Variants in LAMA3 observed in about 807,000 individuals in gnomAD.
LAMA3 encodes the protein laminin subunit alpha-3.
A neutral mutation model predicts 402.0 loss-of-function variants in LAMA3; 281 were observed. The ratio of observed to expected loss-of-function variants is 0.70; its 90% CI spans 0.63 to 0.77. The LOEUF (loss-of-function observed/expected upper bound fraction) is 0.77, where lower values mean the gene tolerates loss of function less well. LAMA3 is among the 30% of genes least tolerant of loss of function. The pLI is 0.00. For missense variants in LAMA3, 3,840 were observed against 4,215.5 expected, an observed-to-expected ratio of 0.91 and a Z score of 2.47; for synonymous variants, 1,431 against 1,558.4, an observed-to-expected ratio of 0.92 and a Z score of 1.93.
chr18:23,695,832 A>AAAAAAAAAAAAAAG (rs2060675826), intron 1 of LAMA3, among the ~76,000 whole-genome samples: 1 of 131,748 alleles, frequency 7.6e-6, no homozygotes, highest in Non-Finnish European at 1.7e-5. Context: ...AAAAAAAAAA[A>AAAAAAAAAAAAAAG]AAAAGAAATA....
chr18:23,810,778 A>G (rs1188412851), intron 13 of LAMA3, among the ~76,000 whole-genome samples: 1 of 152,098 alleles, frequency 6.6e-6, no homozygotes, highest in East Asian at 1.9e-4. Context: ...CTTGGTTCAC[A>G]TGTCAGTTTT....
In LAMA3 at chr18:23,946,159, G is replaced by A. The variant is rs1343645650; in HGVS notation, c.9226G>A (p.Asp3076Asn). ...TACTCTGAAGGTGGTGTTTGGCCAT[G>A]ATGGGGAAAAGGGGCGCTTGGTTGT... is the stretch of plus-strand genomic sequence containing the variant. ...GKWHTVVFGH[D>N]GEKGRLVVDG... is the part of the protein sequence containing the mutation. Residue 3076 changes from aspartate (D) to asparagine (N), a missense_variant, in exon 70 of 75, where the codon GAT becomes AAT. Coordinates refer to ENST00000313654, the MANE Select transcript of LAMA3 (RefSeq NM_198129.4). 28 of 1,614,054 alleles carry A rather than the reference G, an allele frequency of 1.7e-5. No individual in the cohort carries two copies. The highest frequency in any genetic ancestry group is 2.4e-5 in the Non-Finnish European group (28 of 1,179,944).
chr18:23,954,401 T>TAAAAAAAA (rs11406615), intron 74 of LAMA3, 102 bp from the exon 75 acceptor site: 4 of 679,828 alleles, frequency 5.9e-6, no homozygotes, highest in African/African-American at 5.1e-5. Flanking sequence ...GGACCCTGTC[T>TAAAAAAAA]AAAAAAAAAA....
In LAMA3 at chr18:23,864,819, C is replaced by T. The variant is rs755257013; in HGVS notation, c.4619C>T (p.Ala1540Val). Reference protein sequence around the residue: ...SSYGGYLTYQAKSFGLPGDMV... With the variant: ...SSYGGYLTYQVKSFGLPGDMV... ...TATGGTGGTTACCTCACTTACCAAG[C>T]CAAGTCCTTTGGCTTGCCTGGCGAC... is the stretch of plus-strand genomic sequence containing the variant. The change falls in exon 36 of 75, where the codon GCC becomes GTC. Residue 1540 changes from alanine (A) to valine (V), a missense_variant. This residue lies in a region of LAMA3 where 2,109 missense variants were observed against 2,376.0 expected (regional missense o/e 0.89). Transcript: ENST00000313654. 1.9e-5 allele frequency: 30 copies of T among 1,613,420 alleles called. No individual in the cohort carries two copies. Among genetic ancestry groups the T allele is most frequent in the Non-Finnish European group, 2.4e-5 (28 of 1,179,614 alleles).
intron 1 of LAMA3, among the ~76,000 whole-genome samples, chr18:23,710,978 T>C (rs2060979597): frequency 6.6e-6 from 1 of 152,210 alleles, no homozygotes; most frequent in African/African-American, 2.4e-5. Flanking sequence ...AATTATTTTA[T>C]ATGGCAAAAA....
intron 42 of LAMA3, among the ~76,000 whole-genome samples, chr18:23,892,278 T>C (rs1386912286): frequency 2.0e-5 from 3 of 152,142 alleles, no homozygotes; most frequent in Non-Finnish European, 4.4e-5. Context: ...GTAACAAAAA[T>C]CAGCAACATG....
chr18:23,741,784 G>A (rs2061567621), intron 2 of LAMA3, among the ~76,000 whole-genome samples: 1 of 152,138 alleles, frequency 6.6e-6, no homozygotes, highest in South Asian at 2.1e-4. Flanking sequence ...TCAATAATAG[G>A]ACAGCTTGGC....
intron 11 of LAMA3, among the ~76,000 whole-genome samples, chr18:23,779,596 C>A (rs189770997): frequency 7.0e-6 from 1 of 142,974 alleles, no homozygotes; most frequent in Non-Finnish European, 1.5e-5. Context: ...GGGCCAGAGG[C>A]GGGGTGGGTG....
rs1302285794 is a variant in LAMA3, at chr18:23,840,115, C to T, written c.3336+186C>T. Among the ~76,000 whole-genome samples the T allele has an allele frequency of 3.9e-5, 6 of 152,214 alleles. No homozygotes were observed. In the South Asian group the frequency reaches 1.0e-3, roughly 26 times the overall value. On this transcript the variant is annotated intron_variant, in intron 27 of 74. Coordinates refer to ENST00000313654, the MANE Select transcript of LAMA3 (RefSeq NM_198129.4). ...AAACCCTCCAGGTGATTCTGATGCC[C>T]CTGAAGTTTGAGAACCTCTACTGTC...
At chr18:23,776,849 T>C (rs2062331621) in intron 10 of LAMA3, among the ~76,000 whole-genome samples, 1 of 151,666 alleles carries the variant, frequency 6.6e-6, no homozygotes. Context: ...GCCTTTTTTT[T>C]TTTTTTTTGA....
Position 23,954,671 on chromosome 18 carries a change from G to A in LAMA3, c.*23G>A, listed in dbSNP as rs1045900751. The A allele has an allele frequency of 2.5e-6, 4 of 1,613,430 alleles. No homozygotes were observed. In the African/African-American group the frequency reaches 5.3e-5, roughly 22 times the overall value. The stretch of plus-strand genomic sequence containing the variant: ...TAACCCAAGCCTATTTCACAGCAAG[G>A]AAATTCACCTTCAAAAGCACTGATT... On this transcript the variant is annotated 3_prime_UTR_variant, in exon 75 of 75. Coordinates refer to ENST00000313654, the MANE Select transcript of LAMA3 (RefSeq NM_198129.4).
intron 42 of LAMA3, 151 bp from the exon 43 acceptor site, chr18:23,894,147 T>C: frequency 3.0e-6 from 2 of 673,188 alleles, no homozygotes; most frequent in South Asian, 3.4e-5. Context: ...AATTGTGGGT[T>C]TTGCCATTAC....
At chr18:23,816,529 A>G (rs1463379945) in intron 18 of LAMA3, 42 bp downstream of exon 18, 4 of 1,492,558 alleles carry the variant, frequency 2.7e-6, no homozygotes, top group East Asian at 4.5e-5. Flanking sequence ...AGGGTGTGAA[A>G]GATGGTCTTA....
chr18:23,949,866 G>A lies in LAMA3; in HGVS notation c.9453G>A (p.Leu3151=). Residue 3151 remains leucine (L), a synonymous_variant, in exon 71 of 75, where the codon TTG becomes TTA. Coordinates refer to ENST00000313654, the MANE Select transcript of LAMA3 (RefSeq NM_198129.4). The stretch of plus-strand genomic sequence containing the variant: ...CAAGCTTCGGGGTGTCTTCCTGCTT[G>A]GGTGGTCCTTTGGAGAAAGGCATTT... ...PSSSFGVSSC[L]GGPLEKGIYF... 6.2e-7 allele frequency: 1 copy of A among 1,613,952 alleles called. No individual in the cohort carries two copies. The highest frequency in any genetic ancestry group is 1.1e-5 in the South Asian group (1 of 91,068).
chr18:23,759,929 A>G (rs1330733727), intron 7 of LAMA3, among the ~76,000 whole-genome samples: 1 of 152,164 alleles, frequency 6.6e-6, no homozygotes, highest in Admixed American at 6.5e-5. Flanking sequence ...GTTCCTTCTC[A>G]ATGACTTCTC....
At position 23,898,760 on chromosome 18, in the gene LAMA3, CTGCCATTTCAAATCA is replaced by C. The variant is rs2080963733; in HGVS notation, c.5639_5653del (p.Ala1880_His1884del). 1 of 1,605,956 alleles carries C rather than the reference CTGCCATTTCAAATCA, an allele frequency of 6.2e-7. No homozygotes were observed. The highest frequency in any genetic ancestry group is 2.2e-5 in the East Asian group (1 of 44,814). ...CAGAATCAGTTGCTCAACTACCGTT[CTGCCATTTCAAATCA>C]TGGATCAAAAATAGAAGGCCTGGAA... On this transcript the variant is annotated inframe_deletion, in exon 45 of 75. Transcript: ENST00000313654.
At chr18:23,807,814 A>G (rs779194129) in intron 12 of LAMA3, among the ~76,000 whole-genome samples, 1 of 152,200 alleles carries the variant, frequency 6.6e-6, no homozygotes, top group Admixed American at 6.5e-5. Flanking sequence ...CACCATCTAG[A>G]CTAGTGTTTG....
chr18:23,746,491 A>G (rs985118289), intron 2 of LAMA3, among the ~76,000 whole-genome samples: 11 of 152,204 alleles, frequency 7.2e-5, no homozygotes, highest in Admixed American at 2.6e-4. Context: ...AGAGTGAATG[A>G]AGAAGCAGGT....
At chr18:23,893,868 C>T (rs2080779274) in intron 42 of LAMA3, among the ~76,000 whole-genome samples, 1 of 152,194 alleles carries the variant, frequency 6.6e-6, no homozygotes, top group Non-Finnish European at 1.5e-5. Context: ...ATGCCAGAAG[C>T]AGCATGAACA....
Sources: allele counts gnomAD v4.1 joint callset (sites outside exome capture counted in the v4.1 genomes callset), GRCh38; gene constraint gnomAD v4.1.1; regional missense constraint gnomAD v4.1.1; transcripts MANE v1.5; gene names NCBI Gene and HGNC (gene_info 2026-07-23, HGNC 2026-07-21).